The following CRHR1 variants were observed in gnomAD, a reference collection of about 807,000 sequenced individuals.
The protein encoded by CRHR1 is corticotropin releasing hormone receptor 1.
Under a neutral mutation model 56.0 loss-of-function variants are expected in CRHR1, and 28 were observed. The observed-to-expected ratio is 0.50, with a 90% confidence interval of 0.37 to 0.69. CRHR1 has a LOEUF of 0.69. CRHR1 is among the 30% of genes least tolerant of loss of function. The probability of loss-of-function intolerance (pLI) is 0.00; values close to 1 mark genes in which losing one functional copy is unlikely to be tolerated. For synonymous variants in CRHR1, 195 were observed against 216.5 expected (o/e 0.90, Z 0.87); for missense variants, 376 against 548.0 (o/e 0.69, Z 3.13).
chr17:45,802,675 C>T (rs955543930), intron 1 of CRHR1, among the ~76,000 whole-genome samples: 6 of 152,114 alleles, frequency 3.9e-5, no homozygotes, highest in African/African-American at 1.4e-4. Flanking sequence ...TTTTTCTTTG[C>T]ATAACGCAAC....
chr17:45,833,798 G>C lies in CRHR1; in HGVS notation c.1014G>C (p.Glu338Asp), dbSNP rs1180062498. Residue 338 changes from glutamate to aspartate, a missense_variant, in exon 11 of 13, where the codon GAG becomes GAC. Transcript: ENST00000314537. ...TCTTCGTCAATCCCGGGGAGGATGAGGTCTCCCGGGTCGTCTTCATCTACT... is the reference window on the plus strand; with the variant it reads ...TCTTCGTCAATCCCGGGGAGGATGACGTCTCCCGGGTCGTCTTCATCTACT... Reference protein sequence around the residue: ...MLFFVNPGEDEVSRVVFIYFN... With the variant: ...MLFFVNPGEDDVSRVVFIYFN... The C allele has an allele frequency of 6.2e-7, 1 of 1,613,600 alleles. No homozygotes were observed. Among genetic ancestry groups the C allele is most frequent in the Non-Finnish European group, 8.5e-7 (1 of 1,179,882 alleles).
rs542045300 is a variant in CRHR1 at position 45,818,279 on chromosome 17, GC to G, written c.241+1700del. 1.8e-4 allele frequency among the ~76,000 whole-genome samples: 27 copies of G among 152,330 alleles called. No individual in the cohort carries two copies. The South Asian group carries it at 5.6e-3, about 32-fold the overall frequency. On this transcript the variant is annotated intron_variant, in intron 3 of 12. Coordinates refer to ENST00000314537, the MANE Select transcript of CRHR1 (RefSeq NM_004382.5). ...GCCGGCCAGGCTGTCTGTGGTCATGGCCCTGTCACCTTTTGCAGCCAGCCCT... is the reference window on the plus strand; with the variant it reads ...GCCGGCCAGGCTGTCTGTGGTCATGGCCTGTCACCTTTTGCAGCCAGCCCT...
chr17:45,820,996 AAGG>A (rs45502095), intron 3 of CRHR1, among the ~76,000 whole-genome samples: 21,831 of 152,272 alleles, frequency 0.14, 2,138 homozygotes, highest in Middle Eastern at 0.22. Flanking sequence ...GACCCCTGAA[AAGG>A]AGATTTCTCA....
At chr17:45,810,103 A>C (rs1158458757) in intron 2 of CRHR1, among the ~76,000 whole-genome samples, 1 of 152,080 alleles carries the variant, frequency 6.6e-6, no homozygotes. Context: ...AACATGGTGA[A>C]ACCCCGTCTC....
chr17:45,819,532 C>G (rs770701073), intron 3 of CRHR1, among the ~76,000 whole-genome samples: 144 of 152,140 alleles, frequency 9.5e-4, no homozygotes, highest in Admixed American at 1.6e-3. Flanking sequence ...CCTCTGGTCC[C>G]GGGACTTCCC....
intron 1 of CRHR1, among the ~76,000 whole-genome samples, chr17:45,794,314 G>A (rs2061479010): frequency 6.6e-6 from 1 of 152,250 alleles, no homozygotes; most frequent in Admixed American, 6.5e-5. Flanking sequence ...TTCTCAAGTT[G>A]TAGACCAGGA....
intron 2 of CRHR1, among the ~76,000 whole-genome samples, chr17:45,814,386 G>A (rs536446287): frequency 5.3e-5 from 8 of 152,282 alleles, no homozygotes; most frequent in South Asian, 4.1e-4. Flanking sequence ...ACAATGTGGC[G>A]TAATGGAAAG....
At chr17:45,834,525 GC>G in intron 12 of CRHR1, 98 bp from the exon 13 acceptor site, 1 of 1,424,198 alleles carries the variant, frequency 7.0e-7, no homozygotes, top group East Asian at 2.4e-5. Context: ...CAGCTGACCT[GC>G]ACAGCCGCTT....
chr17:45,815,025 C>A (rs1470534400), intron 2 of CRHR1, among the ~76,000 whole-genome samples: 2 of 152,238 alleles, frequency 1.3e-5, no homozygotes, highest in African/African-American at 4.8e-5. Flanking sequence ...GAAAGGGAGC[C>A]AATTTAACCC....
rs940135469 is a variant in CRHR1 at position 45,834,967 on chromosome 17, G to A, written c.*203G>A. 12 of 675,648 alleles carry A rather than the reference G, an allele frequency of 1.8e-5. No individual in the cohort carries two copies. The highest frequency in any genetic ancestry group is 2.9e-5 in the Non-Finnish European group (12 of 410,688). The allele number at this position is 675,648 out of a possible 1,614,324, so 41.9% of individuals were successfully genotyped here. Reference sequence around the variant, plus strand: ...CTCATGAGTGGAAAGTCACCTACAGGACTGGGCCGGGCCCAGGGCCTCTGG... The same window carrying A: ...CTCATGAGTGGAAAGTCACCTACAGAACTGGGCCGGGCCCAGGGCCTCTGG... On this transcript the variant is annotated 3_prime_UTR_variant, in exon 13 of 13. Coordinates refer to ENST00000314537, the MANE Select transcript of CRHR1 (RefSeq NM_004382.5).
intron 3 of CRHR1, among the ~76,000 whole-genome samples, 174 bp from the exon 4 acceptor site, chr17:45,821,181 C>T (rs919220356): frequency 1.3e-5 from 2 of 152,198 alleles, no homozygotes; most frequent in Non-Finnish European, 2.9e-5. Context: ...CAGAAAGAGG[C>T]AGGAAGATGG....
intron 12 of CRHR1, 133 bp downstream of exon 12, chr17:45,834,181 C>A: frequency 1.8e-6 from 2 of 1,136,164 alleles, no homozygotes; most frequent in Non-Finnish European, 2.6e-6. Context: ...TAGGGGTATG[C>A]TGCTGGGAGC....
intron 1 of CRHR1, among the ~76,000 whole-genome samples, chr17:45,801,047 T>G (rs2061612146): frequency 6.6e-6 from 1 of 152,226 alleles, no homozygotes; most frequent in East Asian, 1.9e-4. Flanking sequence ...TGATTAACCT[T>G]TGTACCAAAA....
intron 3 of CRHR1, among the ~76,000 whole-genome samples, chr17:45,820,604 T>G (rs993516371): frequency 1.3e-5 from 2 of 152,142 alleles, no homozygotes; most frequent in African/African-American, 2.4e-5. Flanking sequence ...TTGAGTGACA[T>G]GGGCCAGGCT....
chr17:45,834,238 C>A (rs537560239), intron 12 of CRHR1, among the ~76,000 whole-genome samples, 190 bp downstream of exon 12: 3 of 152,224 alleles, frequency 2.0e-5, no homozygotes, highest in Admixed American at 2.0e-4. Flanking sequence ...TGACAGCCCC[C>A]TCCTTTGCTC....
chr17:45,792,863 G>A (rs1244702028), intron 1 of CRHR1, among the ~76,000 whole-genome samples: 1 of 152,178 alleles, frequency 6.6e-6, no homozygotes, highest in Non-Finnish European at 1.5e-5. Flanking sequence ...TCTAACCTGA[G>A]CCCTTGTTCC....
rs143280047 is a variant in CRHR1, at chr17:45,824,420, G to A, written c.327+2980G>A. ...TCCTGAGGGTCAGCGCGGGGTCTTCGTGGTTCACCTGTCTCTCCTGCTCTA... is the reference window on the plus strand; with the variant it reads ...TCCTGAGGGTCAGCGCGGGGTCTTCATGGTTCACCTGTCTCTCCTGCTCTA... On this transcript the variant is annotated intron_variant, in intron 4 of 12. Transcript: ENST00000314537. Among the ~76,000 whole-genome samples the A allele has an allele frequency of 6.1e-3, 925 of 152,318 alleles. 3 individuals carry two copies. Among genetic ancestry groups the A allele is most frequent in the African/African-American group, 0.021 (874 of 41,558 alleles).
At position 45,821,088 on chromosome 17, in the gene CRHR1, C is replaced by T. The variant is rs768026100; in HGVS notation, c.242-267C>T. ...CCAGGGAGCTGGTCAAGCCTGTCCA[C>T]GGGCCAGTCCTGTGGGCATGATCAT... On this transcript the variant is annotated intron_variant, in intron 3 of 12. Coordinates refer to ENST00000314537, the MANE Select transcript of CRHR1 (RefSeq NM_004382.5). Among the ~76,000 whole-genome samples the T allele has an allele frequency of 7.4e-4, 113 of 152,362 alleles. 1 individual carries two copies. The highest frequency in any genetic ancestry group is 1.0e-3 in the Non-Finnish European group (71 of 68,036).
intron 1 of CRHR1, among the ~76,000 whole-genome samples, chr17:45,786,352 T>C (rs572884314): frequency 6.6e-6 from 1 of 152,316 alleles, no homozygotes; most frequent in South Asian, 2.1e-4. Context: ...AGTGAGTGAA[T>C]GGCCAGCGAA....
Sources: gnomAD v4.1 joint callset for allele counts (sites outside exome capture counted in the v4.1 genomes callset) on GRCh38, gnomAD v4.1.1 for gene constraint, MANE v1.5 for transcripts, NCBI Gene and HGNC (gene_info 2026-07-23, HGNC 2026-07-21) for gene names.